Variants in UTP14A observed in about 807,000 individuals in gnomAD.
The protein encoded by UTP14A is U3 small nucleolar RNA-associated protein 14 homolog A.
A neutral mutation model predicts 57.2 loss-of-function variants in UTP14A; 5 were observed. That is an observed-to-expected ratio of 0.09 (90% confidence interval 0.05 to 0.18). The LOEUF (loss-of-function observed/expected upper bound fraction) is 0.18, where lower values mean the gene tolerates loss of function less well. Ranked by LOEUF, UTP14A falls within the 10% of genes least tolerant of loss-of-function variation. The pLI is 1.00. For synonymous variants in UTP14A, 169 were observed against 210.9 expected (o/e 0.80, Z 1.72); for missense variants, 430 against 562.1 (o/e 0.76, Z 2.38).
At chrX:129,910,706 A>C (rs1220478085) in intron 4 of UTP14A, among the ~76,000 whole-genome samples, 3 of 112,009 alleles carry the variant, frequency 2.7e-5, no homozygotes, top group African/African-American at 6.5e-5. Context: ...GGCTGTTTTT[A>C]TTTTTGGCTG....
At chrX:129,913,719 G>A (rs1437368496) in intron 6 of UTP14A, among the ~76,000 whole-genome samples, 1 of 112,390 alleles carries the variant, frequency 8.9e-6, no homozygotes, top group Non-Finnish European at 1.9e-5. Flanking sequence ...GGTGGCTCAC[G>A]CCTGTAATCC....
At position 129,907,389 on chromosome X, in the gene UTP14A, G is replaced by A. The variant is rs1312842953; in HGVS notation, c.49G>A (p.Glu17Lys). 2.5e-6 allele frequency: 3 copies of A among 1,208,072 alleles called. No individual in the cohort carries two copies. The highest frequency in any genetic ancestry group is 3.5e-5 in the African/African-American group (2 of 57,105). Residue 17 changes from glutamate (E) to lysine (K), a missense_variant, in exon 2 of 15, where the codon GAA (glutamate) becomes AAA (lysine). This residue lies in a region of UTP14A where 145 missense variants were observed against 153.5 expected (regional missense o/e 0.94). Transcript: ENST00000394422. ...CAGCCTTCTGGCTTTGAGCCAACAG[G>A]AAGAACTAGCGGATTTGCCAAAAGA... is the stretch of plus-strand genomic sequence containing the variant. ...AESLLALSQQEELADLPKDYL... is the reference protein window; with the variant it reads ...AESLLALSQQKELADLPKDYL...
At position 129,929,529 on chromosome X, in the gene UTP14A, AC is replaced by A. The variant is rs751860195; in HGVS notation, c.2239del (p.Leu747CysfsTer19). 8.3e-7 allele frequency: 1 copy of A among 1,211,663 alleles called. No homozygotes were observed. Among genetic ancestry groups the A allele is most frequent in the Non-Finnish European group, 1.1e-6 (1 of 895,492 alleles). ...DVGYRSSSRS[D>X]LSVIQRNPKR... ...GGCTACCGGTCTTCCTCAAGGTCGG[AC>A]CTGTCTGTCATACAGAGGAATCCAA... is the stretch of plus-strand genomic sequence containing the variant. On this transcript the variant is annotated frameshift_variant, in exon 15 of 15. Transcript: ENST00000394422. LOFTEE classifies it high-confidence loss of function.
chrX:129,908,498 C>T, intron 3 of UTP14A, 172 bp from the exon 4 acceptor site: 1 of 504,864 alleles, frequency 2.0e-6, no homozygotes, highest in Non-Finnish European at 3.4e-6. Flanking sequence ...GAGGGTTAGA[C>T]AACCAAGTCC....
At position 129,925,796 on chromosome X, in the gene UTP14A, G is replaced by A. The variant is rs1326322993; in HGVS notation, c.1750-123G>A. The A allele has an allele frequency of 9.2e-6, 8 of 866,016 alleles. No homozygotes were observed. The East Asian group carries it at 2.7e-4, about 30-fold the overall frequency. 71.4% of individuals were successfully genotyped at this position (866,016 alleles called of 1,213,427 possible). On this transcript the variant is annotated intron_variant, in intron 12 of 14. Coordinates refer to ENST00000394422, the MANE Select transcript of UTP14A (RefSeq NM_006649.4). ...GGCTGTGCACTGGTTTGTATCGCAA[G>A]ACCATCATTGTTCAGCACTTCCCCC...
rs1383583388 is a variant in UTP14A at position 129,920,506 on chromosome X, T to G, written c.802T>G (p.Phe268Val). 1 of 1,211,524 alleles carries G rather than the reference T, an allele frequency of 8.3e-7. No individual in the cohort carries two copies. Among genetic ancestry groups the G allele is most frequent in the Non-Finnish European group, 1.1e-6 (1 of 895,478 alleles). Residue 268 changes from phenylalanine (F) to valine (V), a missense_variant, in exon 9 of 15, where the codon TTT becomes GTT. By Grantham distance (50) the Phe-to-Val change is conservative. Coordinates refer to ENST00000394422, the MANE Select transcript of UTP14A (RefSeq NM_006649.4). ...AAAGGCCAAGAAAGCCCTAAAAGAG[T>G]TTGAGCAGCTGCGGAAGGTTAATCC... ...KGKAKKALKE[F>V]EQLRKVNPAA... is the part of the protein sequence containing the mutation.
In UTP14A at chrX:129,921,294, A is replaced by G. The variant is rs748405374; in HGVS notation, c.1055A>G (p.Asp352Gly). 8.3e-7 allele frequency: 1 copy of G among 1,209,831 alleles called. No homozygotes were observed. Among genetic ancestry groups the G allele is most frequent in the African/African-American group, 1.8e-5 (1 of 57,125 alleles). Residue 352 changes from aspartate (D) to glycine (G), a missense_variant, in exon 11 of 15, where the codon GAT becomes GGT. By Grantham distance (94) the Asp-to-Gly change is moderately conservative. Coordinates refer to ENST00000394422, the MANE Select transcript of UTP14A (RefSeq NM_006649.4). ...GAGGAAGAGGAGGGAGGCACAGAAGATGTGGAAGAACTCCTTGTCCCTGAT... is the reference window on the plus strand; with the variant it reads ...GAGGAAGAGGAGGGAGGCACAGAAGGTGTGGAAGAACTCCTTGTCCCTGAT... ...ESEEEEGGTEDVEELLVPDVV... is the reference protein window; with the variant it reads ...ESEEEEGGTEGVEELLVPDVV...
At chrX:129,919,546 A>G (rs1929830355) in intron 8 of UTP14A, 57 bp downstream of exon 8, 1 of 1,144,483 alleles carries the variant, frequency 8.7e-7, no homozygotes, top group East Asian at 3.0e-5. Context: ...CATGTGGTTC[A>G]TCATGAATTC....
In UTP14A at chrX:129,924,835, A is replaced by C; in HGVS notation, c.1389A>C (p.Leu463=). Residue 463 remains leucine, a synonymous_variant, in exon 12 of 15, where the codon CTA becomes CTC. Transcript: ENST00000394422. ...AGGTGCTGTCTGAATTGAGAGTACT[A>C]TCTCAGAAATTGAAGGAAAACCATC... ...SQEVLSELRV[L]SQKLKENHQS... 2 of 1,207,038 alleles carry C rather than the reference A, an allele frequency of 1.7e-6. No homozygotes were observed. The highest frequency in any genetic ancestry group is 3.5e-5 in the African/African-American group (2 of 57,251).
chrX:129,916,816 G>T (rs1348336006), intron 6 of UTP14A, among the ~76,000 whole-genome samples: 1 of 111,433 alleles, frequency 9.0e-6, no homozygotes, highest in East Asian at 2.8e-4. Flanking sequence ...TCCTTTCCCT[G>T]TGTCTGTGTT....
chrX:129,918,887 GAAA>G (rs11315972), intron 6 of UTP14A, among the ~76,000 whole-genome samples: 1 of 100,034 alleles, frequency 1.0e-5, no homozygotes, highest in Non-Finnish European at 2.1e-5. Context: ...AAAGAAAAAA[GAAA>G]AAAAAAAACA....
At chrX:129,921,096 A>G in intron 10 of UTP14A, 98 bp from the exon 11 acceptor site, 1 of 1,133,537 alleles carries the variant, frequency 8.8e-7, no homozygotes, top group Non-Finnish European at 1.2e-6. Context: ...ATACTCACCA[A>G]GTCAAATTGA....
At chrX:129,919,000 CTTTA>C (rs753567200) in intron 6 of UTP14A, among the ~76,000 whole-genome samples, 171 bp from the exon 7 acceptor site, 59 of 112,135 alleles carry the variant, frequency 5.3e-4, no homozygotes, top group African/African-American at 1.9e-3. Flanking sequence ...TCAAATAAGG[CTTTA>C]TTTATACTTC....
At chrX:129,910,976 T>C (rs1369583129) in intron 4 of UTP14A, 32 bp from the exon 5 acceptor site, 1 of 1,204,275 alleles carries the variant, frequency 8.3e-7, no homozygotes, top group Non-Finnish European at 1.1e-6. Context: ...TCTCACTTCT[T>C]GGTCTGACCA....
In UTP14A at chrX:129,921,242, C is replaced by G. The variant is rs1229986961; in HGVS notation, c.1003C>G (p.Gln335Glu). 8.3e-7 allele frequency: 1 copy of G among 1,210,571 alleles called. No individual in the cohort carries two copies. Among genetic ancestry groups the G allele is most frequent in the East Asian group, 3.0e-5 (1 of 33,851 alleles). The change falls in exon 11 of 15, where the codon CAG becomes GAG. Residue 335 changes from glutamine (Q) to glutamate (E), a missense_variant. Transcript: ENST00000394422. ...GTTGTCTAAGAACAAAGAACTGACA[C>G]AGAAACTCCAGGTAGCCTCTGAGAG... ...EQLSKNKELTQKLQVASESEE... is the reference protein window; with the variant it reads ...EQLSKNKELTEKLQVASESEE...
chrX:129,928,611 G>A (rs1280088221), intron 14 of UTP14A, among the ~76,000 whole-genome samples: 4 of 106,283 alleles, frequency 3.8e-5, no homozygotes, highest in African/African-American at 3.4e-5. Context: ...AAAATTAGCC[G>A]GGCGTGGTGG....
In UTP14A at chrX:129,908,051, G is replaced by A; in HGVS notation, c.103-9G>A. ...TCATCCTGATTGTTTTTCCTTTTCT[G>A]TGTCTTAGGGGGACAATGATGGAGA... On this transcript the variant is annotated splice_polypyrimidine_tract_variant and intron_variant, in intron 2 of 14. Transcript: ENST00000394422. 8.3e-7 allele frequency: 1 copy of A among 1,200,350 alleles called. No individual in the cohort carries two copies. Among genetic ancestry groups the A allele is most frequent in the Non-Finnish European group, 1.1e-6 (1 of 889,879 alleles).
At chrX:129,926,543 G>C (rs1240715259) in intron 14 of UTP14A, among the ~76,000 whole-genome samples, 1 of 111,984 alleles carries the variant, frequency 8.9e-6, no homozygotes, top group African/African-American at 3.2e-5. Flanking sequence ...AAAAAGTTTA[G>C]AGTCAAGGTA....
At chrX:129,921,073 G>A (rs912688189) in intron 10 of UTP14A, 121 bp from the exon 11 acceptor site, 3 of 1,112,443 alleles carry the variant, frequency 2.7e-6, no homozygotes, top group African/African-American at 3.7e-5. Context: ...TAAACAGTAG[G>A]TACCAGTAAG....
Sources: gnomAD v4.1 joint callset for allele counts (sites outside exome capture counted in the v4.1 genomes callset) on GRCh38, gnomAD v4.1.1 for gene constraint, gnomAD v4.1.1 regional missense constraint, MANE v1.5 for transcripts, NCBI Gene and HGNC (gene_info 2026-07-23, HGNC 2026-07-21) for gene names.